The following SCHIP1 variants were observed in gnomAD, a reference collection of about 807,000 sequenced individuals.
The protein encoded by SCHIP1 is schwannomin-interacting protein 1.
In SCHIP1, 8 loss-of-function variants were observed where a neutral mutation model predicts 29.7. That is an observed-to-expected ratio of 0.27 (90% CI 0.16 to 0.49). SCHIP1 has a LOEUF of 0.49. Among genes scored for constraint, SCHIP1 ranks in the 20% least tolerant of loss-of-function variants. SCHIP1 has a pLI of 0.99. For synonymous variants in SCHIP1, 76 were observed against 94.9 expected (o/e 0.80, Z 1.16); for missense variants, 193 against 294.6 (o/e 0.66, Z 2.52).
the SCHIP1 span, among the ~76,000 whole-genome samples, chr3:159,658,727 AC>A: frequency 6.6e-6 from 1 of 152,102 alleles, no homozygotes; most frequent in Non-Finnish European, 1.5e-5. Flanking sequence ...CCACCCAAAT[AC>A]CAGATTTATA....
At chr3:159,680,659 TA>T in the SCHIP1 span, among the ~76,000 whole-genome samples, 2 of 73,124 alleles carry the variant, frequency 2.7e-5, no homozygotes, top group Non-Finnish European at 4.5e-5. Context: ...TATGTATATA[TA>T]AAATATATAT....
chr3:159,379,124 T>G, the SCHIP1 span, among the ~76,000 whole-genome samples: 1 of 152,342 alleles, frequency 6.6e-6, no homozygotes, highest in South Asian at 2.1e-4. Flanking sequence ...CCAATGATTT[T>G]ATAGCCTGTG....
At chr3:159,682,125 A>G in the SCHIP1 span, among the ~76,000 whole-genome samples, 2 of 152,226 alleles carry the variant, frequency 1.3e-5, no homozygotes, top group African/African-American at 4.8e-5. Context: ...TTTAATGCAC[A>G]CATCTTACTT....
chr3:159,589,193 T>A, the SCHIP1 span, among the ~76,000 whole-genome samples: 1 of 152,192 alleles, frequency 6.6e-6, no homozygotes, highest in Non-Finnish European at 1.5e-5. Flanking sequence ...CCCTTGTAAG[T>A]TGGATTCCTA....
the SCHIP1 span, among the ~76,000 whole-genome samples, chr3:159,588,876 G>GT: frequency 6.6e-6 from 1 of 152,074 alleles, no homozygotes; most frequent in Non-Finnish European, 1.5e-5. Flanking sequence ...CCTTGTAGTA[G>GT]AGTTTGAAGT....
the SCHIP1 span, among the ~76,000 whole-genome samples, chr3:159,813,734 A>C: frequency 6.6e-6 from 1 of 152,168 alleles, no homozygotes; most frequent in Non-Finnish European, 1.5e-5. Flanking sequence ...TCAGGCTCCA[A>C]ATCTCTTACT....
At chr3:159,315,707 A>G in the SCHIP1 span, among the ~76,000 whole-genome samples, 2 of 152,140 alleles carry the variant, frequency 1.3e-5, no homozygotes, top group African/African-American at 4.8e-5. Flanking sequence ...AAGAAGGGAG[A>G]GATATTAAAC....
At chr3:159,621,580 C>T in the SCHIP1 span, among the ~76,000 whole-genome samples, 20 of 152,072 alleles carry the variant, frequency 1.3e-4, no homozygotes, top group Admixed American at 6.6e-4. Flanking sequence ...AATAATATAA[C>T]AACTATATAT....
the SCHIP1 span, among the ~76,000 whole-genome samples, chr3:159,312,498 C>T: frequency 5.3e-5 from 8 of 152,254 alleles, no homozygotes; most frequent in African/African-American, 1.9e-4. Flanking sequence ...CGCCTCCTCC[C>T]ACATAGGTCC....
At chr3:159,292,837 T>A in the SCHIP1 span, among the ~76,000 whole-genome samples, 5 of 152,340 alleles carry the variant, frequency 3.3e-5, 1 homozygote, top group Admixed American at 2.6e-4. Context: ...GGCATCGTAC[T>A]TTTTTGGTTT....
chr3:159,874,539 A>C (rs1446015854), intron 2 of SCHIP1, among the ~76,000 whole-genome samples: 1 of 152,208 alleles, frequency 6.6e-6, no homozygotes, highest in Admixed American at 6.5e-5. Flanking sequence ...TATCAACTGG[A>C]CCAATAACAG....
the SCHIP1 span, among the ~76,000 whole-genome samples, chr3:159,557,650 T>C: frequency 6.6e-6 from 1 of 152,314 alleles, no homozygotes; most frequent in South Asian, 2.1e-4. Context: ...ACACTATCTT[T>C]AAAAAGTTTT....
the SCHIP1 span, among the ~76,000 whole-genome samples, chr3:159,445,591 A>G: frequency 2.2e-4 from 34 of 152,122 alleles, no homozygotes; most frequent in Middle Eastern, 3.2e-3. Flanking sequence ...TGTTTATTGC[A>G]GCACTATTCA....
the SCHIP1 span, among the ~76,000 whole-genome samples, chr3:159,566,870 T>C: frequency 2.0e-5 from 3 of 152,224 alleles, no homozygotes; most frequent in South Asian, 2.1e-4. Context: ...CACTGCTGGG[T>C]TGTAAGATGG....
At chr3:159,792,373 CTGGATGTG>C in the SCHIP1 span, among the ~76,000 whole-genome samples, 4 of 152,208 alleles carry the variant, frequency 2.6e-5, no homozygotes, top group African/African-American at 9.6e-5. Flanking sequence ...TTGCTTCATC[CTGGATGTG>C]AGGATGAACA....
the SCHIP1 span, among the ~76,000 whole-genome samples, chr3:159,520,617 T>C: frequency 5.5e-3 from 832 of 152,322 alleles, 5 homozygotes; most frequent in Non-Finnish European, 8.2e-3. Context: ...CTAGTGTGCA[T>C]TCCATTAGAC....
chr3:159,330,368 G>T, the SCHIP1 span, among the ~76,000 whole-genome samples: 4 of 152,138 alleles, frequency 2.6e-5, no homozygotes, highest in Admixed American at 2.6e-4. Flanking sequence ...TAATTTTAAG[G>T]TCCATAAAAA....
the SCHIP1 span, among the ~76,000 whole-genome samples, chr3:159,503,536 G>A: frequency 6.6e-6 from 1 of 152,108 alleles, no homozygotes; most frequent in Non-Finnish European, 1.5e-5. Context: ...GACAGTAAAA[G>A]CCATGAGGGG....
At chr3:159,725,958 T>C in the SCHIP1 span, among the ~76,000 whole-genome samples, 1 of 152,148 alleles carries the variant, frequency 6.6e-6, no homozygotes, top group Non-Finnish European at 1.5e-5. Context: ...CCACCTCTTA[T>C]CAAGTGGATG....
Sources: allele counts gnomAD v4.1 joint callset (sites outside exome capture counted in the v4.1 genomes callset), GRCh38; gene constraint gnomAD v4.1.1; transcripts MANE v1.5; gene names NCBI Gene and HGNC (gene_info 2026-07-23, HGNC 2026-07-21).